Variants in NELL1 observed in about 807,000 individuals in gnomAD.
The protein encoded by NELL1 is neural EGFL like 1.
Under a neutral mutation model 107.4 loss-of-function variants are expected in NELL1, and 76 were observed. The ratio of observed to expected loss-of-function variants is 0.71; its 90% confidence interval spans 0.59 to 0.86. The LOEUF (loss-of-function observed/expected upper bound fraction) is 0.86, where lower values mean the gene tolerates loss of function less well. NELL1 is among the 40% of genes least tolerant of loss of function. The pLI is 0.00. For synonymous variants in NELL1, 353 were observed against 341.2 expected (o/e 1.03, Z -0.38); for missense variants, 1,024 against 1,005.5 (o/e 1.02, Z -0.25).
chr11:20,953,344 T>C (rs927757037), intron 11 of NELL1, among the ~76,000 whole-genome samples: 9 of 152,204 alleles, frequency 5.9e-5, no homozygotes, highest in African/African-American at 1.9e-4. Context: ...GACCCATGTA[T>C]TCCTTGCTGT....
chr11:20,905,506 G>C (rs917551327), intron 5 of NELL1, among the ~76,000 whole-genome samples: 1 of 152,146 alleles, frequency 6.6e-6, no homozygotes, highest in Non-Finnish European at 1.5e-5. Context: ...TGTGCTTAAA[G>C]AGCTAGATGA....
At chr11:21,550,307 G>T (rs1257238175) in intron 16 of NELL1, among the ~76,000 whole-genome samples, 1 of 151,914 alleles carries the variant, frequency 6.6e-6, no homozygotes, top group African/African-American at 2.4e-5. Flanking sequence ...TCACTCTGAT[G>T]GTAGTTTCTT....
At chr11:20,689,449 C>T (rs141282346) in intron 2 of NELL1, among the ~76,000 whole-genome samples, 2,732 of 111,838 alleles carry the variant, frequency 0.024, 44 homozygotes, top group Non-Finnish European at 0.034. Flanking sequence ...CCCCACCCCA[C>T]AACAGTCCCC....
At chr11:20,954,906 C>CT (rs1378034522) in intron 11 of NELL1, among the ~76,000 whole-genome samples, 1 of 152,050 alleles carries the variant, frequency 6.6e-6, no homozygotes, top group African/African-American at 2.4e-5. Flanking sequence ...TTGTTCCAGG[C>CT]TGTCAGATGC....
At chr11:21,012,016 G>A (rs1195029470) in intron 12 of NELL1, among the ~76,000 whole-genome samples, 1 of 152,106 alleles carries the variant, frequency 6.6e-6, no homozygotes, top group Non-Finnish European at 1.5e-5. Flanking sequence ...TGCGCTAAGA[G>A]CTTCTGGGCA....
intron 3 of NELL1, among the ~76,000 whole-genome samples, chr11:20,825,107 C>G (rs1344551639): frequency 6.6e-6 from 1 of 151,354 alleles, no homozygotes; most frequent in Non-Finnish European, 1.5e-5. Context: ...CCTGTAGGTC[C>G]ACAGAGGTCA....
chr11:21,176,255 A>T (rs1012387611), intron 13 of NELL1, among the ~76,000 whole-genome samples: 10 of 151,838 alleles, frequency 6.6e-5, no homozygotes, highest in Non-Finnish European at 1.3e-4. Context: ...AATACCAAGA[A>T]CCTCACTTTG....
At chr11:21,371,365 T>A (rs1346610175) in intron 15 of NELL1, among the ~76,000 whole-genome samples, 1 of 152,126 alleles carries the variant, frequency 6.6e-6, no homozygotes, top group Admixed American at 6.6e-5. Context: ...CCACATTAAA[T>A]AATTCCAGCA....
At chr11:21,346,233 C>T (rs1235977056) in intron 14 of NELL1, among the ~76,000 whole-genome samples, 1 of 152,126 alleles carries the variant, frequency 6.6e-6, no homozygotes, top group African/African-American at 2.4e-5. Context: ...TGTTCTCAGG[C>T]AGGTTCTAAC....
At chr11:21,106,824 A>G (rs1006747321) in intron 12 of NELL1, among the ~76,000 whole-genome samples, 6 of 152,138 alleles carry the variant, frequency 3.9e-5, no homozygotes, top group Admixed American at 3.9e-4. Context: ...AAAACATGGA[A>G]CATTGAGTAA....
intron 14 of NELL1, among the ~76,000 whole-genome samples, chr11:21,310,022 G>A (rs1388682052): frequency 1.3e-5 from 2 of 151,938 alleles, no homozygotes; most frequent in South Asian, 2.1e-4. Context: ...TCACATAAAG[G>A]CATTTCTACT....
chr11:21,409,386 A>G (rs1431173399), intron 15 of NELL1, among the ~76,000 whole-genome samples: 2 of 152,034 alleles, frequency 1.3e-5, no homozygotes, highest in Admixed American at 1.3e-4. Flanking sequence ...AACAATGAGA[A>G]CACATGGACA....
At chr11:21,053,094 C>G (rs1827378572) in intron 12 of NELL1, among the ~76,000 whole-genome samples, 2 of 152,094 alleles carry the variant, frequency 1.3e-5, no homozygotes, top group Non-Finnish European at 2.9e-5. Flanking sequence ...GTGGGTAAAG[C>G]TGGAACTGGT....
intron 3 of NELL1, among the ~76,000 whole-genome samples, chr11:20,814,487 C>G (rs930936400): frequency 1.3e-5 from 2 of 152,176 alleles, no homozygotes; most frequent in Non-Finnish European, 2.9e-5. Context: ...ATCTATTGTT[C>G]TCATCTTTGT....
intron 12 of NELL1, among the ~76,000 whole-genome samples, chr11:21,032,350 T>C (rs1359362714): frequency 6.6e-6 from 1 of 152,106 alleles, no homozygotes; most frequent in Non-Finnish European, 1.5e-5. Context: ...AATATATTTT[T>C]GTTTTCCTTA....
At chr11:20,829,792 T>C (rs1231585807) in intron 3 of NELL1, among the ~76,000 whole-genome samples, 1 of 151,148 alleles carries the variant, frequency 6.6e-6, no homozygotes, top group African/African-American at 2.4e-5. Context: ...GTTATTATTA[T>C]TTTTTTTTGG....
chr11:21,484,396 T>G (rs761763031), intron 15 of NELL1, among the ~76,000 whole-genome samples: 3 of 151,964 alleles, frequency 2.0e-5, no homozygotes, highest in Non-Finnish European at 4.4e-5. Context: ...GGTATTTACA[T>G]TGCTTTATGG....
intron 14 of NELL1, among the ~76,000 whole-genome samples, chr11:21,292,045 T>C (rs1250752572): frequency 6.6e-6 from 1 of 152,190 alleles, no homozygotes; most frequent in Non-Finnish European, 1.5e-5. Context: ...TCAACATTCC[T>C]ATTCAACACA....
intron 2 of NELL1, among the ~76,000 whole-genome samples, chr11:20,679,168 T>C (rs916054914): frequency 1.3e-5 from 2 of 152,176 alleles, no homozygotes; most frequent in South Asian, 4.1e-4. Context: ...TCCATTTTGA[T>C]AGGTGGGATG....
Sources: gnomAD v4.1 joint callset for allele counts (sites outside exome capture counted in the v4.1 genomes callset) on GRCh38, gnomAD v4.1.1 for gene constraint, MANE v1.5 for transcripts, NCBI Gene and HGNC (gene_info 2026-07-23, HGNC 2026-07-21) for gene names.